Variants in TECPR2 observed in about 807,000 individuals in gnomAD.
TECPR2 encodes tectonin beta-propeller repeat containing 2.
Under a neutral mutation model 138.1 loss-of-function variants are expected in TECPR2, and 65 were observed. The ratio of observed to expected loss-of-function variants is 0.47; its 90% CI spans 0.39 to 0.58. TECPR2 has a LOEUF of 0.58. TECPR2 is among the 20% of genes least tolerant of loss of function. The probability of loss-of-function intolerance (pLI) is 0.00; values close to 1 mark genes in which losing one functional copy is unlikely to be tolerated. For synonymous variants in TECPR2, 746 were observed against 749.8 expected (o/e 0.99, Z 0.08); for missense variants, 1,553 against 1,824.5 (o/e 0.85, Z 2.71).
chr14:102,372,954 G>A (rs1453652781), intron 1 of TECPR2, among the ~76,000 whole-genome samples: 1 of 152,044 alleles, frequency 6.6e-6, no homozygotes, highest in South Asian at 2.1e-4. Context: ...ATTTATAACT[G>A]TTATAAAAAG....
At chr14:102,386,331 G>A (rs1173863113) in intron 2 of TECPR2, among the ~76,000 whole-genome samples, 5 of 152,052 alleles carry the variant, frequency 3.3e-5, no homozygotes, top group African/African-American at 9.7e-5. Context: ...TTACCCGGGT[G>A]TGGTGGCGGG....
At chr14:102,392,250 C>T (rs1888197992) in intron 2 of TECPR2, among the ~76,000 whole-genome samples, 1 of 152,188 alleles carries the variant, frequency 6.6e-6, no homozygotes, top group Non-Finnish European at 1.5e-5. Context: ...GCCTCAGCCT[C>T]CCAAAGTGCT....
Position 102,415,385 on chromosome 14 carries a change from C to G in TECPR2, c.638+592C>G. On this transcript the variant is annotated intron_variant, in intron 5 of 19. Transcript: ENST00000359520. This position sits in a 1 kb window ranked among gnomAD's most constrained non-coding sequence, Gnocchi z 4.3. ...GGAAGACATCCTGAAGGCATGGGTTCCAGGTTGAGAGATCATTCCTCCTTT... is the reference window on the plus strand; with the variant it reads ...GGAAGACATCCTGAAGGCATGGGTTGCAGGTTGAGAGATCATTCCTCCTTT... 6.6e-6 allele frequency among the ~76,000 whole-genome samples: 1 copy of G among 152,142 alleles called. No individual in the cohort carries two copies. The highest frequency in any genetic ancestry group is 1.9e-4 in the East Asian group (1 of 5,190).
intron 7 of TECPR2, among the ~76,000 whole-genome samples, chr14:102,428,747 G>A (rs1396488236): frequency 6.6e-6 from 1 of 152,146 alleles, no homozygotes; most frequent in Non-Finnish European, 1.5e-5. Flanking sequence ...GGATGACAGA[G>A]TGAGACCTCA....
At chr14:102,422,761 G>A (rs1210074) in intron 5 of TECPR2, among the ~76,000 whole-genome samples, 39,810 of 152,058 alleles carry the variant, frequency 0.26, 6,075 homozygotes, top group East Asian at 0.47. Flanking sequence ...CATTGGTTGG[G>A]TGACTGATGA....
At chr14:102,483,263 T>C (rs1015311044) in intron 17 of TECPR2, among the ~76,000 whole-genome samples, 1 of 152,156 alleles carries the variant, frequency 6.6e-6, no homozygotes, top group Non-Finnish European at 1.5e-5. Context: ...TGGTATGCCT[T>C]GGTGAGGGCT....
rs1889877700 is a variant in TECPR2 at position 102,443,109 on chromosome 14, G to A, written c.2753-538G>A. Among the ~76,000 whole-genome samples the A allele has an allele frequency of 6.6e-6, 1 of 152,264 alleles. No homozygotes were observed. Among genetic ancestry groups the A allele is most frequent in the African/African-American group, 2.4e-5 (1 of 41,468 alleles). ...TCTGCAGGAACGACTGCAGGCCTCA[G>A]GTCCCTGCCAACTCCAGCAGCGCTG... On this transcript the variant is annotated intron_variant, in intron 11 of 19. Coordinates refer to ENST00000359520, the MANE Select transcript of TECPR2 (RefSeq NM_014844.5). The surrounding 1 kb of genome is among the most constrained non-coding windows in gnomAD (Gnocchi z 4.9).
At chr14:102,413,028 G>GGAGATTGCAGTGAGCT (rs1339303569) in intron 4 of TECPR2, among the ~76,000 whole-genome samples, 5 of 152,066 alleles carry the variant, frequency 3.3e-5, no homozygotes, top group Admixed American at 3.3e-4. Flanking sequence ...CCTTGGAGGT[G>GGAGATTGCAGTGAGCT]GAGATTGCAG....
chr14:102,403,257 T>G (rs986636530), intron 2 of TECPR2, among the ~76,000 whole-genome samples: 2 of 152,210 alleles, frequency 1.3e-5, no homozygotes, highest in Non-Finnish European at 2.9e-5. Flanking sequence ...CCTAATATGC[T>G]GTTTTAACAA....
intron 10 of TECPR2, among the ~76,000 whole-genome samples, chr14:102,439,042 T>G (rs992245134): frequency 6.6e-6 from 1 of 151,972 alleles, no homozygotes; most frequent in Non-Finnish European, 1.5e-5. Flanking sequence ...TTTTGTATTT[T>G]TTTAGTGGAC....
chr14:102,394,055 A>G (rs1033098852), intron 2 of TECPR2, among the ~76,000 whole-genome samples: 8 of 152,220 alleles, frequency 5.3e-5, no homozygotes, highest in South Asian at 4.1e-4. Flanking sequence ...TTTAAAACAT[A>G]TTACATCACA....
Position 102,452,567 on chromosome 14 carries a change from A to G in TECPR2, c.3580A>G (p.Thr1194Ala), listed in dbSNP as rs746763770. 1.3e-5 allele frequency: 21 copies of G among 1,609,816 alleles called. No individual in the cohort carries two copies. The East Asian group carries it at 2.2e-4, about 17-fold the overall frequency. ...CAGCCTCGGCCAGGTGTTCATCAGGACGCTCTCCAAGAGCTGCCCCACGGG... is the reference window on the plus strand; with the variant it reads ...CAGCCTCGGCCAGGTGTTCATCAGGGCGCTCTCCAAGAGCTGCCCCACGGG... ...LDSLGQVFIR[T>A]LSKSCPTGMH... Residue 1194 changes from threonine to alanine, a missense_variant, in exon 16 of 20, where the codon ACG becomes GCG. By Grantham distance (58) the Thr-to-Ala change is moderately conservative. Transcript: ENST00000359520.
intron 11 of TECPR2, among the ~76,000 whole-genome samples, chr14:102,441,671 A>T (rs1889838436): frequency 6.6e-6 from 1 of 152,032 alleles, no homozygotes; most frequent in Admixed American, 6.6e-5. Context: ...CAGCCTGGTG[A>T]CAGGGCGAGA....
rs1473913666 is a variant in TECPR2, at chr14:102,408,526, C to T, written c.387C>T (p.Ser129=). ...ATGTCACTGGTATTCACAAAAATAGCATTACAGCTCTGGCTTGGAGCCCCA... is the reference window on the plus strand; with the variant it reads ...ATGTCACTGGTATTCACAAAAATAGTATTACAGCTCTGGCTTGGAGCCCCA... The part of the protein sequence containing the change: ...RFDVTGIHKN[S]ITALAWSPNG... Residue 129 remains serine, a synonymous_variant, in exon 4 of 20, where the codon AGC becomes AGT. Coordinates refer to ENST00000359520, the MANE Select transcript of TECPR2 (RefSeq NM_014844.5). The T allele has an allele frequency of 6.2e-7, 1 of 1,611,892 alleles. No homozygotes were observed. Among genetic ancestry groups the T allele is most frequent in the Non-Finnish European group, 8.5e-7 (1 of 1,179,484 alleles).
intron 4 of TECPR2, among the ~76,000 whole-genome samples, chr14:102,413,973 A>T (rs987171118): frequency 6.6e-5 from 10 of 151,382 alleles, no homozygotes; most frequent in South Asian, 4.2e-4. Flanking sequence ...AATAAAAAAA[A>T]TTTTTTTGTA....
chr14:102,370,623 G>C (rs966710714), intron 1 of TECPR2, among the ~76,000 whole-genome samples: 3 of 152,222 alleles, frequency 2.0e-5, no homozygotes, highest in African/African-American at 4.8e-5. Context: ...CAAGGTTCTT[G>C]TAAGCCAGCA....
At chr14:102,431,730 C>T (rs546157306) in intron 7 of TECPR2, 66 bp from the exon 8 acceptor site, 23 of 1,438,350 alleles carry the variant, frequency 1.6e-5, no homozygotes, top group East Asian at 1.4e-4. Context: ...GGCTAGCAAA[C>T]GTGGATAAGT....
intron 9 of TECPR2, among the ~76,000 whole-genome samples, chr14:102,435,415 T>C (rs1019840153): frequency 1.3e-5 from 2 of 152,236 alleles, no homozygotes; most frequent in Non-Finnish European, 2.9e-5. Context: ...TGACCTGTTC[T>C]ACCCTGCTCA....
At chr14:102,427,268 A>T (rs1330833386) in intron 6 of TECPR2, among the ~76,000 whole-genome samples, 1 of 152,214 alleles carries the variant, frequency 6.6e-6, no homozygotes, top group Non-Finnish European at 1.5e-5. Context: ...TAGCATCAAG[A>T]TGCTTTGTAA....
Sources: gnomAD v4.1 joint callset for allele counts (sites outside exome capture counted in the v4.1 genomes callset) on GRCh38, gnomAD v4.1.1 for gene constraint, Gnocchi (gnomAD v3.1) non-coding constraint, MANE v1.5 for transcripts, NCBI Gene and HGNC (gene_info 2026-07-23, HGNC 2026-07-21) for gene names.